Variants in SGIP1 observed in about 807,000 individuals in gnomAD.
The protein encoded by SGIP1 is SH3GL interacting endocytic adaptor 1.
A neutral mutation model predicts 107.5 loss-of-function variants in SGIP1; 38 were observed. The observed-to-expected ratio is 0.35, with a 90% confidence interval of 0.27 to 0.46. The LOEUF (loss-of-function observed/expected upper bound fraction) is 0.46. SGIP1 is among the 20% of genes least tolerant of loss of function. The probability of loss-of-function intolerance (pLI) is 1.00; values close to 1 mark genes in which losing one functional copy is unlikely to be tolerated. For synonymous variants in SGIP1, 365 were observed against 366.1 expected (o/e 1.00, Z 0.03); for missense variants, 929 against 1,019.5 (o/e 0.91, Z 1.21).
At chr1:66,652,047 C>T (rs2078864522) in intron 7 of SGIP1, among the ~76,000 whole-genome samples, 1 of 152,044 alleles carries the variant, frequency 6.6e-6, no homozygotes, top group Non-Finnish European at 1.5e-5. Context: ...TACGGAGAAA[C>T]CAGCACAGAA....
chr1:66,540,166 A>T (rs1250218885), intron 1 of SGIP1, among the ~76,000 whole-genome samples: 2 of 152,208 alleles, frequency 1.3e-5, no homozygotes. Context: ...ACATGAAACA[A>T]TTAGGAAATA....
intron 8 of SGIP1, among the ~76,000 whole-genome samples, chr1:66,667,214 G>A (rs760208756): frequency 2.6e-5 from 4 of 151,646 alleles, no homozygotes; most frequent in Non-Finnish European, 2.9e-5. Context: ...AAACTTCTAC[G>A]GCAAGACATT....
intron 1 of SGIP1, among the ~76,000 whole-genome samples, chr1:66,599,076 A>T (rs1423001330): frequency 6.6e-6 from 1 of 152,230 alleles, no homozygotes; most frequent in Non-Finnish European, 1.5e-5. Flanking sequence ...TGGTTAGTTA[A>T]AAATACAATT....
At position 66,681,947 on chromosome 1, in the gene SGIP1, T is replaced by C. The variant is rs759572282; in HGVS notation, c.893T>C (p.Val298Ala). ...GACTTGGACAGCATTTTTGGGCCAG[T>C]ATTGTCCCCCAAGTCTGTTGCTGTT... The part of the protein sequence containing the change: ...INDLDSIFGP[V>A]LSPKSVAVNA... Residue 298 changes from valine to alanine, a missense_variant, in exon 15 of 25, where the codon GTA becomes GCA. Val to Ala is a moderately conservative substitution (Grantham distance 64). Transcript: ENST00000371037. The C allele has an allele frequency of 3.1e-6, 5 of 1,614,188 alleles. No individual in the cohort carries two copies. The highest frequency in any genetic ancestry group is 4.2e-6 in the Non-Finnish European group (5 of 1,180,028).
intron 8 of SGIP1, among the ~76,000 whole-genome samples, chr1:66,664,274 A>C (rs550254058): frequency 6.6e-6 from 1 of 152,164 alleles, no homozygotes; most frequent in South Asian, 2.1e-4. Flanking sequence ...TTTAAGGTGC[A>C]TCCAGGCAGG....
intron 18 of SGIP1, among the ~76,000 whole-genome samples, chr1:66,698,139 T>C (rs1178276921): frequency 6.6e-6 from 1 of 152,228 alleles, no homozygotes; most frequent in African/African-American, 2.4e-5. Flanking sequence ...TTTGAGCTAC[T>C]GATCAACCAA....
chr1:66,655,782 T>C (rs1450297066), intron 7 of SGIP1, among the ~76,000 whole-genome samples: 5 of 152,102 alleles, frequency 3.3e-5, no homozygotes, highest in African/African-American at 1.2e-4. Context: ...ATGAATGGAG[T>C]TTGCAGGGCT....
chr1:66,550,162 A>G (rs1276446640), intron 1 of SGIP1, among the ~76,000 whole-genome samples: 1 of 152,162 alleles, frequency 6.6e-6, no homozygotes, highest in Non-Finnish European at 1.5e-5. Flanking sequence ...GTCCTAGGCC[A>G]TAAATCTAAT....
chr1:66,657,928 A>G (rs972994892), intron 7 of SGIP1, among the ~76,000 whole-genome samples: 1 of 152,080 alleles, frequency 6.6e-6, no homozygotes, highest in African/African-American at 2.4e-5. Flanking sequence ...GTTTTTTCCT[A>G]TCTTTGTTTT....
chr1:66,581,808 C>T (rs1208481229), intron 1 of SGIP1, among the ~76,000 whole-genome samples: 2 of 152,158 alleles, frequency 1.3e-5, no homozygotes, highest in South Asian at 4.2e-4. Flanking sequence ...TTTAACAATT[C>T]ACCACTAAAA....
intron 1 of SGIP1, among the ~76,000 whole-genome samples, chr1:66,559,813 G>C (rs74795988): frequency 7.2e-5 from 11 of 152,076 alleles, no homozygotes; most frequent in South Asian, 2.1e-4. Context: ...ATTTAGCCGG[G>C]GGGGTGGATG....
Position 66,673,305 on chromosome 1 carries a change from G to A in SGIP1, c.585G>A (p.Thr195=), listed in dbSNP as rs374028604. Residue 195 remains threonine, a synonymous_variant, in exon 12 of 25, where the codon ACG becomes ACA. Transcript: ENST00000371037. ...LISKKPPDDT[T]ALAPLFGPPL... is the part of the protein sequence containing the mutation. Reference sequence around the variant, plus strand: ...GCAAAAAGCCTCCAGATGACACTACGGCCCTTGCTCCTCTCTTTGGCCCAC... The same window carrying A: ...GCAAAAAGCCTCCAGATGACACTACAGCCCTTGCTCCTCTCTTTGGCCCAC... 1.9e-5 allele frequency: 31 copies of A among 1,613,712 alleles called. No homozygotes were observed. Among genetic ancestry groups the A allele is most frequent in the Middle Eastern group, 3.3e-4 (2 of 6,082 alleles).
intron 14 of SGIP1, 97 bp downstream of exon 14, chr1:66,679,849 C>T (rs986825862): frequency 1.8e-6 from 2 of 1,092,186 alleles, no homozygotes; most frequent in Non-Finnish European, 2.5e-6. Flanking sequence ...GTAGGCTACA[C>T]AAAAACATCA....
chr1:66,588,400 C>T (rs2062989511), intron 1 of SGIP1, among the ~76,000 whole-genome samples: 2 of 152,060 alleles, frequency 1.3e-5, no homozygotes, highest in African/African-American at 4.8e-5. Flanking sequence ...TTAGAACTTC[C>T]CCTACTTCAC....
intron 8 of SGIP1, among the ~76,000 whole-genome samples, chr1:66,665,498 C>G (rs927237134): frequency 6.6e-6 from 1 of 152,090 alleles, no homozygotes; most frequent in African/African-American, 2.4e-5. Flanking sequence ...GTAATGGGAT[C>G]ACTGGGTCAA....
intron 7 of SGIP1, among the ~76,000 whole-genome samples, chr1:66,647,000 C>T (rs762521974): frequency 1.3e-5 from 2 of 152,158 alleles, no homozygotes; most frequent in Non-Finnish European, 2.9e-5. Flanking sequence ...ATGAACATCA[C>T]CCAGGTTTGC....
chr1:66,551,367 G>A (rs1040261048), intron 1 of SGIP1, among the ~76,000 whole-genome samples: 2 of 152,086 alleles, frequency 1.3e-5, no homozygotes, highest in South Asian at 2.1e-4. Flanking sequence ...TCTATTGGGC[G>A]CATCTCCTAC....
intron 18 of SGIP1, among the ~76,000 whole-genome samples, chr1:66,709,394 T>A (rs2092757031): frequency 6.6e-6 from 1 of 151,774 alleles, no homozygotes; most frequent in Non-Finnish European, 1.5e-5. Flanking sequence ...AAGTGTGGAG[T>A]CAAGTGAATC....
intron 1 of SGIP1, among the ~76,000 whole-genome samples, chr1:66,596,465 A>G (rs187531593): frequency 3.0e-4 from 46 of 152,234 alleles, no homozygotes; most frequent in Middle Eastern, 6.8e-3. Flanking sequence ...GACATCACTC[A>G]GATGTGGGCA....
Sources: gnomAD v4.1 joint callset for allele counts (sites outside exome capture counted in the v4.1 genomes callset) on GRCh38, gnomAD v4.1.1 for gene constraint, MANE v1.5 for transcripts, NCBI Gene and HGNC (gene_info 2026-07-23, HGNC 2026-07-21) for gene names.